PSG4: variants seen among roughly 807,000 people sequenced by gnomAD.
PSG4 encodes the protein pregnancy-specific beta-1-glycoprotein 4.
In PSG4, 61 loss-of-function variants were observed where a neutral mutation model predicts 44.3. That is an observed-to-expected ratio of 1.38 (90% CI 1.12 to 1.70). The LOEUF (loss-of-function observed/expected upper bound fraction) is 1.70, where lower values mean the gene tolerates loss of function less well. Among genes scored for constraint, PSG4 ranks in the 40% most tolerant of loss-of-function variants. PSG4 has a pLI of 0.00. For missense variants in PSG4, 677 were observed against 511.7 expected (o/e 1.32, Z -3.12); for synonymous variants, 248 against 191.3 (o/e 1.30, Z -2.45).
intron 2 of PSG4, among the ~76,000 whole-genome samples, chr19:43,200,428 A>G (rs539900337): frequency 4.1e-5 from 6 of 145,120 alleles, no homozygotes; most frequent in Non-Finnish European, 7.5e-5. Flanking sequence ...ATGAAGGCGA[A>G]TATGTTGTTC....
At chr19:43,195,505 G>A (rs1020352868) in intron 3 of PSG4, among the ~76,000 whole-genome samples, 1 of 151,462 alleles carries the variant, frequency 6.6e-6, no homozygotes, top group Non-Finnish European at 1.5e-5. Flanking sequence ...CAATTGAGCA[G>A]CAGTGTTGGG....
intron 3 of PSG4, among the ~76,000 whole-genome samples, chr19:43,196,096 G>T (rs545035365): frequency 4.0e-5 from 6 of 151,722 alleles, no homozygotes; most frequent in Admixed American, 3.9e-4. Context: ...TGCAAAAGCA[G>T]AACTGACTGG....
intron 3 of PSG4, among the ~76,000 whole-genome samples, chr19:43,195,668 A>T (rs1293238162): frequency 6.6e-6 from 1 of 151,344 alleles, no homozygotes; most frequent in African/African-American, 2.4e-5. Flanking sequence ...GCCCCCCTAG[A>T]TGAGATTTCT....
At position 43,196,916 on chromosome 19, in the gene PSG4, A is replaced by T. The variant is rs1325840005; in HGVS notation, c.709+1081T>A. 12 of 135,730 alleles carry T rather than the reference A, an allele frequency of 8.8e-5. 2 individuals are homozygous for T. 8.4% of individuals were successfully genotyped at this position (135,730 alleles called of 1,614,324 possible). A position where few individuals can be genotyped will look rare whatever the true frequency, so the allele number is the denominator to read the frequency against. ...TAGGGGTTGCATTGAATCTGCAACTAACTTTGGGTAGTATTGTCTTTCTAA... is the reference window on the plus strand; with the variant it reads ...TAGGGGTTGCATTGAATCTGCAACTTACTTTGGGTAGTATTGTCTTTCTAA... On this transcript the variant is annotated intron_variant, in intron 3 of 5. Transcript: ENST00000405312.
Position 43,204,256 on chromosome 19 carries a change from G to A in PSG4, c.65-5C>T, listed in dbSNP as rs747634076. On this transcript the variant is annotated splice_polypyrimidine_tract_variant and splice_region_variant and intron_variant, in intron 1 of 5. Transcript: ENST00000405312. ...TCCAGAAGTTTAAAAGTGATGCTAG[G>A]AGGTACAGAGAGCATCAGTTAATAT... 3.2e-6 allele frequency: 5 copies of A among 1,562,476 alleles called. 2 individuals are homozygous for A. In the African/African-American group the frequency reaches 5.9e-5, roughly 18 times the overall value.
rs745918170 is a variant in PSG4, at chr19:43,203,975, T to C, written c.341A>G (p.Gln114Arg). The C allele has an allele frequency of 7.6e-6, 12 of 1,587,758 alleles. No individual in the cohort carries two copies. The highest frequency in any genetic ancestry group is 3.3e-5 in the South Asian group (3 of 89,972). ...NASLLIQNVT[Q>R]EDAGSYTLHI... ...TAAGGTGTAGGATCCTGCATCCTCC[T>C]GCGTGACATTCTGGATCAGCAGGGA... is the stretch of plus-strand genomic sequence containing the variant. Residue 114 changes from glutamine to arginine, a missense_variant, in exon 2 of 6, where the codon CAG (glutamine) becomes CGG (arginine). Physicochemically the swap from Gln to Arg is conservative, Grantham distance 43. Coordinates refer to ENST00000405312, the MANE Select transcript of PSG4 (RefSeq NM_002780.5).
Position 43,197,578 on chromosome 19 carries a change from G to A in PSG4, c.709+419C>T. On this transcript the variant is annotated intron_variant, in intron 3 of 5. Transcript: ENST00000405312. ...GTAATAGGTGTATGAGGAAGAAATG[G>A]TGGGGGCATCCAGGCCATCTGGAGC... 1.5e-5 allele frequency among the ~76,000 whole-genome samples: 2 copies of A among 137,454 alleles called. 1 individual carries two copies. Among genetic ancestry groups the A allele is most frequent in the Admixed American group, 1.5e-4 (2 of 13,734 alleles). The allele number at this position is 137,454 out of a possible 152,430, so 90.2% of individuals were successfully genotyped here. A position where few individuals can be genotyped will look rare whatever the true frequency, so the allele number is the denominator to read the frequency against.
Position 43,195,107 on chromosome 19 carries a change from G to T in PSG4, c.876C>A (p.Asn292Lys), listed in dbSNP as rs1370098365. Residue 292 changes from asparagine to lysine, a missense_variant, in exon 4 of 6, where the codon AAC becomes AAA. By Grantham distance (94) the Asn-to-Lys change is moderately conservative. Transcript: ENST00000405312. ...TGACATTGGGTAGAATGAGGATCCT[G>T]TTTTCAATGGGTCGCTTTACCCTGG... is the stretch of plus-strand genomic sequence containing the variant. ...VSPRVKRPIE[N>K]RILILPNVTR... The T allele has an allele frequency of 5.0e-6, 8 of 1,610,742 alleles. No homozygotes were observed. Among genetic ancestry groups the T allele is most frequent in the Non-Finnish European group, 6.8e-6 (8 of 1,179,084 alleles).
intron 1 of PSG4, 133 bp from the exon 2 acceptor site, chr19:43,204,384 T>C: frequency 3.3e-6 from 4 of 1,204,200 alleles, no homozygotes; most frequent in Non-Finnish European, 4.6e-6. Flanking sequence ...ATACACACAC[T>C]AAAGGGGCGT....
Position 43,199,093 on chromosome 19 carries a change from A to G in PSG4, c.431-818T>C, listed in dbSNP as rs138598157. On this transcript the variant is annotated intron_variant, in intron 2 of 5. Transcript: ENST00000405312. ...ACATGTGGATGTTTGCAAATGCAGA[A>G]CTGACTGGTGGAAAGGGCGAACATG... 4.1e-5 allele frequency among the ~76,000 whole-genome samples: 6 copies of G among 146,216 alleles called. 1 individual carries two copies. The highest frequency in any genetic ancestry group is 8.9e-5 in the Non-Finnish European group (6 of 67,262).
intron 5 of PSG4, chr19:43,193,925 A>C: frequency 2.7e-6 from 2 of 740,042 alleles, no homozygotes; most frequent in South Asian, 1.5e-5. Flanking sequence ...TCAGGTAGAG[A>C]GCAAAAGTAA....
At position 43,194,469 on chromosome 19, in the gene PSG4, A is replaced by G; in HGVS notation, c.1114T>C (p.Phe372Leu). ...GAGAGCTTTTGTCCTGATAGCTGAA[A>G]CTTCCCATTAATTGTCCAAGAATAT... ...AQYSWTINGKFQLSGQKLSIP... is the reference protein window; with the variant it reads ...AQYSWTINGKLQLSGQKLSIP... Residue 372 changes from phenylalanine (F) to leucine (L), a missense_variant, in exon 5 of 6, where the codon TTT (phenylalanine) becomes CTT (leucine). Coordinates refer to ENST00000405312, the MANE Select transcript of PSG4 (RefSeq NM_002780.5). 1 of 1,612,378 alleles carries G rather than the reference A, an allele frequency of 6.2e-7. No homozygotes were observed. The highest frequency in any genetic ancestry group is 8.5e-7 in the Non-Finnish European group (1 of 1,179,116).
chr19:43,195,078 C>T lies in PSG4; in HGVS notation c.905G>A (p.Arg302Lys). ...ACATTGATAAGGTCCTGTTTCATTTCTCGTGACATTGGGTAGAATGAGGAT... is the reference window on the plus strand; with the variant it reads ...ACATTGATAAGGTCCTGTTTCATTTTTCGTGACATTGGGTAGAATGAGGAT... ...NRILILPNVTRNETGPYQCEI... is the reference protein window; with the variant it reads ...NRILILPNVTKNETGPYQCEI... The change falls in exon 4 of 6, where the codon AGA (arginine) becomes AAA (lysine). Residue 302 changes from arginine to lysine, a missense_variant. Coordinates refer to ENST00000405312, the MANE Select transcript of PSG4 (RefSeq NM_002780.5). The T allele has an allele frequency of 6.2e-7, 1 of 1,611,406 alleles. No homozygotes were observed. Among genetic ancestry groups the T allele is most frequent in the East Asian group, 2.2e-5 (1 of 44,868 alleles).
At chr19:43,201,726 C>A (rs549816088) in intron 2 of PSG4, among the ~76,000 whole-genome samples, 1 of 145,692 alleles carries the variant, frequency 6.9e-6, no homozygotes, top group South Asian at 2.2e-4. Flanking sequence ...ACTGGGGAGG[C>A]TGATTTGAGT....
In PSG4 at chr19:43,193,888, A is replaced by C. The variant is rs565593599; in HGVS notation, c.1243+452T>G. On this transcript the variant is annotated intron_variant, in intron 5 of 5. Coordinates refer to ENST00000405312, the MANE Select transcript of PSG4 (RefSeq NM_002780.5). Reference sequence around the variant, plus strand: ...TATTACCATAAACATATCAATACTCATGAATAGTTGCCCAATTCTGGGGCA... The same window carrying C: ...TATTACCATAAACATATCAATACTCCTGAATAGTTGCCCAATTCTGGGGCA... 47 of 684,830 alleles carry C rather than the reference A, an allele frequency of 6.9e-5. 1 individual carries two copies. In the South Asian group the frequency reaches 7.2e-4, roughly 11 times the overall value. The allele number at this position is 684,830 out of a possible 1,614,324, so 42.4% of individuals were successfully genotyped here.
At chr19:43,195,590 T>A (rs1366313248) in intron 3 of PSG4, among the ~76,000 whole-genome samples, 1 of 151,414 alleles carries the variant, frequency 6.6e-6, no homozygotes, top group Non-Finnish European at 1.5e-5. Flanking sequence ...GTTAACTTGC[T>A]GGCTCACCTT....
intron 1 of PSG4, chr19:43,204,454 T>C: frequency 1.3e-6 from 1 of 749,564 alleles, no homozygotes; most frequent in Non-Finnish European, 2.0e-6. Flanking sequence ...ATGACCCCCA[T>C]TCCTTCAACA....
rs946196023 is a variant in PSG4 at position 43,195,257 on chromosome 19, G to C, written c.726C>G (p.Pro242=). ...TLNLLPKLSK[P]YITINNLNPR... is the part of the protein sequence containing the mutation. ...GGTTTAAGTTGTTGATTGTGATGTA[G>C]GGCTTGGACAGCTTTGCTGTGTGGA... The change falls in exon 4 of 6, where the codon CCC becomes CCG. Residue 242 remains proline (P), a synonymous_variant. Transcript: ENST00000405312. The C allele has an allele frequency of 2.5e-6, 4 of 1,610,462 alleles. No homozygotes were observed. The highest frequency in any genetic ancestry group is 3.4e-6 in the Non-Finnish European group (4 of 1,178,910).
intron 4 of PSG4, 178 bp from the exon 5 acceptor site, chr19:43,194,772 T>C: frequency 1.4e-6 from 2 of 1,415,348 alleles, no homozygotes; most frequent in South Asian, 1.4e-5. Flanking sequence ...CCATCACAAG[T>C]TTTAGGCCCC....
Sources: gnomAD v4.1 joint callset for allele counts (sites outside exome capture counted in the v4.1 genomes callset) on GRCh38, gnomAD v4.1.1 for gene constraint, MANE v1.5 for transcripts, NCBI Gene and HGNC (gene_info 2026-07-23, HGNC 2026-07-21) for gene names.